Variants in LRP1B observed in about 807,000 individuals in gnomAD.
The protein encoded by LRP1B is LDL receptor related protein 1B, also known as low-density lipoprotein receptor-related protein 1B.
LRP1B carries 217 observed loss-of-function variants against 556.6 expected under a neutral mutation model. That is an observed-to-expected ratio of 0.39 (90% CI 0.35 to 0.44). The LOEUF (loss-of-function observed/expected upper bound fraction) is 0.44. Among genes scored for constraint, LRP1B ranks in the 20% least tolerant of loss-of-function variants. The probability of loss-of-function intolerance (pLI) is 1.00; values close to 1 mark genes in which losing one functional copy is unlikely to be tolerated. For missense variants in LRP1B, 5,053 were observed against 5,620.8 expected, an observed-to-expected ratio of 0.90 and a Z score of 3.23; for synonymous variants, 2,047 against 1,865.8, an observed-to-expected ratio of 1.10 and a Z score of -2.50.
At chr2:141,404,800 T>C (rs544877985) in intron 3 of LRP1B, among the ~76,000 whole-genome samples, 32 of 152,292 alleles carry the variant, frequency 2.1e-4, no homozygotes, top group Middle Eastern at 3.4e-3. Flanking sequence ...ATGCAAGACA[T>C]TGGGTTAACA....
intron 2 of LRP1B, among the ~76,000 whole-genome samples, chr2:141,601,202 GTATC>G (rs4008441): frequency 0.071 from 10,611 of 148,872 alleles, 502 homozygotes; most frequent in Middle Eastern, 0.13. Flanking sequence ...CTGTCTGTCA[GTATC>G]TATCTATCTA....
In LRP1B at chr2:140,270,355, A is replaced by G. The variant is rs1463318197; in HGVS notation, c.13143-9T>C. The G allele has an allele frequency of 6.4e-7, 1 of 1,567,704 alleles. No individual in the cohort carries two copies. The highest frequency in any genetic ancestry group is 2.2e-5 in the East Asian group (1 of 44,514). ...TCTTTCCATTAGTGCAGCTGCAACA[A>G]CAAAGAAAAAAAGAACAATTTCATT... On this transcript the variant is annotated splice_polypyrimidine_tract_variant and intron_variant, in intron 85 of 90. Transcript: ENST00000389484.
chr2:140,530,064 T>TAA (rs1207676347), intron 47 of LRP1B, among the ~76,000 whole-genome samples: 1 of 152,092 alleles, frequency 6.6e-6, no homozygotes, highest in East Asian at 1.9e-4. Flanking sequence ...TTGTGAAATT[T>TAA]AAAAAACAGT....
chr2:140,370,600 G>C (rs929049141), intron 71 of LRP1B, 110 bp downstream of exon 71: 1 of 1,387,036 alleles, frequency 7.2e-7, no homozygotes. Context: ...AGAGTAAAGA[G>C]AATTATTTAA....
At chr2:140,453,227 T>C (rs1457618068) in intron 62 of LRP1B, among the ~76,000 whole-genome samples, 3 of 152,094 alleles carry the variant, frequency 2.0e-5, no homozygotes, top group Non-Finnish European at 4.4e-5. Context: ...TGGAATTATA[T>C]ATGATATAAT....
chr2:141,935,965 A>G (rs1160959326), intron 1 of LRP1B, among the ~76,000 whole-genome samples: 1 of 152,214 alleles, frequency 6.6e-6, no homozygotes. Context: ...ACTAAAAGAA[A>G]TAAATCATGC....
chr2:140,608,071 T>C (rs1417854856), intron 41 of LRP1B, among the ~76,000 whole-genome samples: 1 of 151,454 alleles, frequency 6.6e-6, no homozygotes, highest in Admixed American at 6.6e-5. Flanking sequence ...TTAAACAAAT[T>C]AAAAATCTAC....
intron 7 of LRP1B, among the ~76,000 whole-genome samples, chr2:141,082,246 T>A (rs566049128): frequency 6.6e-6 from 1 of 152,328 alleles, no homozygotes; most frequent in African/African-American, 2.4e-5. Flanking sequence ...TCAATGTGCA[T>A]AAACTGTAGG....
intron 1 of LRP1B, among the ~76,000 whole-genome samples, chr2:141,976,123 A>AT (rs962378553): frequency 4.4e-4 from 67 of 151,998 alleles, no homozygotes; most frequent in African/African-American, 1.4e-3. Flanking sequence ...ATGACTTACA[A>AT]TTTTTTTTCT....
chr2:140,537,998 G>T (rs1167237016), intron 45 of LRP1B, among the ~76,000 whole-genome samples: 2 of 152,158 alleles, frequency 1.3e-5, no homozygotes, highest in East Asian at 3.9e-4. Context: ...TTTAAATCCA[G>T]TTGTATTAAT....
intron 3 of LRP1B, among the ~76,000 whole-genome samples, chr2:141,304,272 G>A (rs1023245736): frequency 1.3e-5 from 2 of 151,796 alleles, no homozygotes; most frequent in African/African-American, 4.8e-5. Flanking sequence ...CATTTAATAT[G>A]TCCTGTGTAC....
At chr2:141,868,181 C>T (rs1305504100) in intron 1 of LRP1B, among the ~76,000 whole-genome samples, 6 of 151,976 alleles carry the variant, frequency 3.9e-5, no homozygotes, top group African/African-American at 1.4e-4. Flanking sequence ...TGGTAACTAC[C>T]GCAAAAGTGT....
chr2:140,622,483 G>A (rs1683490617), intron 41 of LRP1B, among the ~76,000 whole-genome samples: 1 of 152,052 alleles, frequency 6.6e-6, no homozygotes, highest in Non-Finnish European at 1.5e-5. Context: ...CCTGTCAGTC[G>A]GTTTGTATAA....
intron 1 of LRP1B, among the ~76,000 whole-genome samples, chr2:141,881,557 G>A (rs1698958183): frequency 2.0e-5 from 3 of 152,062 alleles, no homozygotes; most frequent in Middle Eastern, 3.4e-3. Context: ...ATCTATTTGA[G>A]CTATTAATTT....
intron 2 of LRP1B, among the ~76,000 whole-genome samples, chr2:141,682,651 A>G (rs1041914746): frequency 2.6e-5 from 4 of 152,140 alleles, no homozygotes; most frequent in Admixed American, 2.6e-4. Context: ...TTAAAATGAT[A>G]AATATAATTG....
chr2:141,643,314 C>T lies in LRP1B; in HGVS notation c.206-162781G>A, dbSNP rs184695077. Among the ~76,000 whole-genome samples the T allele has an allele frequency of 4.3e-3, 654 of 152,088 alleles. 1 individual carries two copies. Among genetic ancestry groups the T allele is most frequent in the Middle Eastern group, 0.02 (6 of 294 alleles). Reference sequence around the variant, plus strand: ...CTACAGACTCCAGAAAATTGTATTTCGCCAGGATGTGTCTTATGGGTTGAT... The same window carrying T: ...CTACAGACTCCAGAAAATTGTATTTTGCCAGGATGTGTCTTATGGGTTGAT... On this transcript the variant is annotated intron_variant, in intron 2 of 90. Transcript: ENST00000389484.
At chr2:140,752,322 C>CTTTT (rs34686176) in intron 35 of LRP1B, among the ~76,000 whole-genome samples, 39 of 135,990 alleles carry the variant, frequency 2.9e-4, no homozygotes, top group East Asian at 1.7e-3. Context: ...ACTTAAAATA[C>CTTTT]TTTTTTTTTT....
intron 2 of LRP1B, among the ~76,000 whole-genome samples, chr2:141,522,390 C>G (rs2105176074): frequency 6.6e-6 from 1 of 152,138 alleles, no homozygotes; most frequent in Non-Finnish European, 1.5e-5. Context: ...ATTTGAATAG[C>G]CAATGAAAGG....
intron 43 of LRP1B, among the ~76,000 whole-genome samples, chr2:140,597,355 G>A (rs1332845261): frequency 6.6e-6 from 1 of 152,070 alleles, no homozygotes; most frequent in Non-Finnish European, 1.5e-5. Flanking sequence ...GTGGGGAAGT[G>A]CAAAATAGGT....
Sources: gnomAD v4.1 joint callset for allele counts (sites outside exome capture counted in the v4.1 genomes callset) on GRCh38, gnomAD v4.1.1 for gene constraint, MANE v1.5 for transcripts, NCBI Gene and HGNC (gene_info 2026-07-23, HGNC 2026-07-21) for gene names.